DCLK3: variants seen among roughly 807,000 people sequenced by gnomAD.
The protein encoded by DCLK3 is doublecortin like kinase 3.
DCLK3 carries 30 observed loss-of-function variants against 46.4 expected under a neutral mutation model. That is an observed-to-expected ratio of 0.65 (90% CI 0.48 to 0.88). The LOEUF (loss-of-function observed/expected upper bound fraction) is 0.88. Among genes scored for constraint, DCLK3 ranks in the 40% least tolerant of loss-of-function variants. The pLI is 0.00. For synonymous variants in DCLK3, 401 were observed against 339.2 expected (o/e 1.18, Z -2.00); for missense variants, 846 against 907.1 (o/e 0.93, Z 0.87).
chr3:36,761,327 T>C (rs760345935), intron 1 of DCLK3, among the ~76,000 whole-genome samples: 3 of 152,164 alleles, frequency 2.0e-5, no homozygotes, highest in Non-Finnish European at 4.4e-5. Flanking sequence ...TGCTATTAAA[T>C]GAATGGTGAA....
chr3:36,738,607 A>G lies in DCLK3; in HGVS notation c.560T>C (p.Leu187Pro), dbSNP rs1343318680. The G allele has an allele frequency of 1.4e-6, 2 of 1,381,578 alleles. No homozygotes were observed. Among genetic ancestry groups the G allele is most frequent in the East Asian group, 2.7e-5 (1 of 36,580 alleles). 85.6% of individuals were successfully genotyped at this position (1,381,578 alleles called of 1,614,324 possible). ...CAGGGCCCGGGCTTTGTTGGGGTAC[A>G]GTTCTTCTACAGCCACCTGAATGCT... ...LKSIQVAVEE[L>P]YPNKARALTL... is the part of the protein sequence containing the mutation. Residue 187 changes from leucine to proline, a missense_variant, in exon 2 of 5, where the codon CTG becomes CCG. Physicochemically the swap from Leu to Pro is moderately conservative, Grantham distance 98. This residue lies in a region of DCLK3 where 553 missense variants were observed against 543.0 expected (regional missense o/e 1.02). Transcript: ENST00000636136.
In DCLK3 at chr3:36,715,216, C is replaced by G; in HGVS notation, c.*112G>C. ...TAAAATATACTCAGTGTCTCTCCCT[C>G]TGATTCACCAATTATGTGAAGAAGC... On this transcript the variant is annotated 3_prime_UTR_variant, in exon 5 of 5. Transcript: ENST00000636136. The G allele has an allele frequency of 8.1e-7, 1 of 1,236,860 alleles. No individual in the cohort carries two copies. The highest frequency in any genetic ancestry group is 1.1e-6 in the Non-Finnish European group (1 of 906,392). 76.6% of individuals were successfully genotyped at this position (1,236,860 alleles called of 1,614,324 possible).
intron 1 of DCLK3, among the ~76,000 whole-genome samples, chr3:36,751,077 A>AAAAAAAAAAAAAC (rs1343939641): frequency 1.3e-5 from 2 of 150,942 alleles, no homozygotes; most frequent in Non-Finnish European, 3.0e-5. Flanking sequence ...AAAAAAAAAA[A>AAAAAAAAAAAAAC]AAAAAAAAAC....
At chr3:36,725,655 C>A (rs1203603462) in intron 2 of DCLK3, among the ~76,000 whole-genome samples, 3 of 152,146 alleles carry the variant, frequency 2.0e-5, no homozygotes, top group African/African-American at 4.8e-5. Context: ...CAGTTTCCAG[C>A]AAATAGGCTT....
chr3:36,757,764 C>A (rs1049081470), intron 1 of DCLK3, among the ~76,000 whole-genome samples: 1 of 152,158 alleles, frequency 6.6e-6, no homozygotes, highest in African/African-American at 2.4e-5. Flanking sequence ...ACATCTGACA[C>A]CTGCGGTCCT....
intron 3 of DCLK3, among the ~76,000 whole-genome samples, chr3:36,718,815 A>C (rs1701020818): frequency 6.6e-6 from 1 of 152,168 alleles, no homozygotes; most frequent in Non-Finnish European, 1.5e-5. Context: ...ATGTGTGCAC[A>C]CACTGGTATA....
rs1157444988 is a variant in DCLK3, at chr3:36,748,790, T to C, written c.83-9706A>G. 2.0e-5 allele frequency among the ~76,000 whole-genome samples: 3 copies of C among 152,220 alleles called. No individual in the cohort carries two copies. The East Asian group carries it at 5.8e-4, about 29-fold the overall frequency. ...TCTGCTTTCCAGTCATTTTGTCACA[T>C]TGTGCCTTTGGGCTTTTCTTTTCTT... On this transcript the variant is annotated intron_variant, in intron 1 of 4. Coordinates refer to ENST00000636136, the MANE Select transcript of DCLK3 (RefSeq NM_001394672.2).
chr3:36,754,634 A>G (rs766607609), intron 1 of DCLK3, among the ~76,000 whole-genome samples: 1 of 152,360 alleles, frequency 6.6e-6, no homozygotes, highest in Admixed American at 6.5e-5. Context: ...GTGAGAGATT[A>G]TATCTCAAAG....
intron 2 of DCLK3, among the ~76,000 whole-genome samples, chr3:36,721,871 G>T (rs1036028187): frequency 1.7e-4 from 26 of 152,156 alleles, no homozygotes; most frequent in African/African-American, 5.1e-4. Context: ...TTACTAGGCC[G>T]TCCAATATGG....
rs373164557 is a variant in DCLK3, at chr3:36,718,034, G to C, written c.2236C>G (p.Pro746Ala). ...CCATCAGAGATATTGTCCCAGTAAGGGGGGAGGAACTCAAAGTGGCCCAGC... is the reference window on the plus strand; with the variant it reads ...CCATCAGAGATATTGTCCCAGTAAGCGGGGAGGAACTCAAAGTGGCCCAGC... Reference protein sequence around the residue: ...IQLGHFEFLPPYWDNISDAAK... With the variant: ...IQLGHFEFLPAYWDNISDAAK... The change falls in exon 4 of 5, where the codon CCT becomes GCT. Residue 746 changes from proline to alanine, a missense_variant. This residue lies in a region of DCLK3 where 247 missense variants were observed against 322.8 expected (regional missense o/e 0.77). Transcript: ENST00000636136. 64 of 1,614,028 alleles carry C rather than the reference G, an allele frequency of 4.0e-5. No individual in the cohort carries two copies. The highest frequency in any genetic ancestry group is 5.3e-5 in the Non-Finnish European group (62 of 1,180,022).
chr3:36,738,414 C>G lies in DCLK3; in HGVS notation c.753G>C (p.Glu251Asp), dbSNP rs757724866. ...AMRHQGKIPE[E>D]LSLDDRARTQ... ...TCCTCGCTCTGTCATCTAGTGAAAG[C>G]TCCTCGGGGATCTTCCCCTGGTGCC... Residue 251 changes from glutamate (E) to aspartate (D), a missense_variant, in exon 2 of 5, where the codon GAG (glutamate) becomes GAC (aspartate). By Grantham distance (45) the Glu-to-Asp change is conservative. Around this residue, in one of 3 missense-constraint regions of DCLK3, gnomAD observed 553 missense variants for 543.0 expected, o/e 1.02. Transcript: ENST00000636136. The G allele has an allele frequency of 7.5e-5, 111 of 1,479,660 alleles. No homozygotes were observed. The highest frequency in any genetic ancestry group is 9.8e-5 in the Non-Finnish European group (110 of 1,116,966). The allele number at this position is 1,479,660 out of a possible 1,614,324, so 91.7% of individuals were successfully genotyped here.
intron 2 of DCLK3, among the ~76,000 whole-genome samples, chr3:36,722,345 A>ATATTATTATAATTAAATAATAATAAT (rs1701071207): frequency 6.6e-6 from 1 of 152,228 alleles, no homozygotes; most frequent in Non-Finnish European, 1.5e-5. Context: ...TAAATAACTA[A>ATATTATTATAATTAAATAATAATAAT]AAGGGTATAA....
Position 36,738,723 on chromosome 3 carries a change from G to A in DCLK3, c.444C>T (p.Asn148=). 2 of 1,316,742 alleles carry A rather than the reference G, an allele frequency of 1.5e-6. No homozygotes were observed. Among genetic ancestry groups the A allele is most frequent in the South Asian group, 3.1e-5 (1 of 32,594 alleles). 81.6% of individuals were successfully genotyped at this position (1,316,742 alleles called of 1,614,324 possible). ...WKNDRVRKLF[N]LKGREIRSVS... ...CGCTCCTGATTTCCCTGCCCTTGAG[G>A]TTAAACAGTTTCCTCACACGGTCAT... Residue 148 remains asparagine (N), a synonymous_variant, in exon 2 of 5, where the codon AAC becomes AAT. Coordinates refer to ENST00000636136, the MANE Select transcript of DCLK3 (RefSeq NM_001394672.2).
rs1701291446 is a variant in DCLK3, at chr3:36,738,076, TC to T, written c.1090del (p.Glu364ArgfsTer20). 6.2e-7 allele frequency: 1 copy of T among 1,613,638 alleles called. No individual in the cohort carries two copies. The highest frequency in any genetic ancestry group is 8.5e-7 in the Non-Finnish European group (1 of 1,179,812). On this transcript the variant is annotated frameshift_variant, in exon 2 of 5. Coordinates refer to ENST00000636136, the MANE Select transcript of DCLK3 (RefSeq NM_001394672.2). LOFTEE classifies it high-confidence loss of function. ...RSPEANPASG[E>X]EGWKGDSHRS... ...GTGGCTGTCACCCTTCCACCCTTCC[TC>T]CCCACTTGCAGGATTTGCCTCGGGA...
At chr3:36,755,208 G>A (rs1453143995) in intron 1 of DCLK3, among the ~76,000 whole-genome samples, 1 of 152,164 alleles carries the variant, frequency 6.6e-6, no homozygotes, top group Non-Finnish European at 1.5e-5. Flanking sequence ...AGACATATCA[G>A]TTCTTCCCAT....
In DCLK3 at chr3:36,715,347, A is replaced by G; in HGVS notation, c.2435T>C (p.Val812Ala). The change falls in exon 5 of 5, where the codon GTT becomes GCT. Residue 812 changes from valine (V) to alanine (A), a missense_variant. Physicochemically the swap from Val to Ala is moderately conservative, Grantham distance 64. Around this residue, in one of 3 missense-constraint regions of DCLK3, gnomAD observed 46 missense variants for 41.3 expected, o/e 1.11. Transcript: ENST00000636136. ...TGGTGACTATGATACCTGCTCCACA[A>G]CCCTCTTGTGCTGGCTCCGGAAGTG... ...EGHFRSQHKR[V>A]VEQVS The G allele has an allele frequency of 6.2e-7, 1 of 1,614,026 alleles. No homozygotes were observed. The highest frequency in any genetic ancestry group is 8.5e-7 in the Non-Finnish European group (1 of 1,180,004).
intron 1 of DCLK3, among the ~76,000 whole-genome samples, chr3:36,751,218 G>C (rs1701439080): frequency 1.3e-5 from 2 of 152,066 alleles, no homozygotes; most frequent in Admixed American, 1.3e-4. Context: ...AGAAGAGAAG[G>C]CATGGTACCA....
chr3:36,718,276 A>C (rs1169522929), intron 3 of DCLK3, 99 bp from the exon 4 acceptor site: 9 of 1,534,316 alleles, frequency 5.9e-6, no homozygotes, highest in Non-Finnish European at 7.1e-6. Flanking sequence ...AATAGATCTA[A>C]GTCATAGAGG....
intron 1 of DCLK3, among the ~76,000 whole-genome samples, chr3:36,742,609 A>T (rs1190375253): frequency 6.6e-6 from 1 of 152,212 alleles, no homozygotes; most frequent in Non-Finnish European, 1.5e-5. Context: ...TCCTACTGAA[A>T]TTGCACTTCT....
Sources: gnomAD v4.1 joint callset for allele counts (sites outside exome capture counted in the v4.1 genomes callset) on GRCh38, gnomAD v4.1.1 for gene constraint, gnomAD v4.1.1 regional missense constraint, MANE v1.5 for transcripts, NCBI Gene and HGNC (gene_info 2026-07-23, HGNC 2026-07-21) for gene names.